Variants in EXT1 observed in about 807,000 individuals in gnomAD.
EXT1 encodes the protein exostosin-1.
In EXT1, 20 loss-of-function variants were observed where a neutral mutation model predicts 82.5. The observed-to-expected ratio is 0.24, with a 90% CI of 0.17 to 0.35. The LOEUF (loss-of-function observed/expected upper bound fraction) is 0.35. Among genes scored for constraint, EXT1 ranks in the 10% least tolerant of loss-of-function variants. The pLI is 1.00. For missense variants in EXT1, 757 were observed against 936.5 expected, an observed-to-expected ratio of 0.81 and a Z score of 2.50; for synonymous variants, 348 against 350.8, an observed-to-expected ratio of 0.99 and a Z score of 0.09.
chr8:117,845,943 G>A (rs1174641384), intron 1 of EXT1, among the ~76,000 whole-genome samples: 5 of 152,174 alleles, frequency 3.3e-5, no homozygotes, highest in African/African-American at 4.8e-5. Context: ...TGTGCAAGGA[G>A]GATGGGATCC....
intron 1 of EXT1, among the ~76,000 whole-genome samples, chr8:117,942,121 C>A (rs1814294256): frequency 6.6e-6 from 1 of 152,098 alleles, no homozygotes; most frequent in African/African-American, 2.4e-5. Context: ...ACATGGAGGA[C>A]CCATCCATAT....
chr8:117,901,584 T>C (rs17475344), intron 1 of EXT1, among the ~76,000 whole-genome samples: 7,606 of 152,300 alleles, frequency 0.05, 636 homozygotes, highest in African/African-American at 0.17. Flanking sequence ...TAACTTAGCT[T>C]ACTGTAAGTT....
chr8:117,897,234 A>G (rs1304915085), intron 1 of EXT1, among the ~76,000 whole-genome samples: 1 of 152,192 alleles, frequency 6.6e-6, no homozygotes, highest in African/African-American at 2.4e-5. Context: ...AGAAAATTAA[A>G]CCATATCCAG....
intron 1 of EXT1, among the ~76,000 whole-genome samples, chr8:117,994,871 G>C (rs1490268715): frequency 6.6e-6 from 1 of 152,212 alleles, no homozygotes; most frequent in Admixed American, 6.5e-5. Context: ...ACACCCAGCA[G>C]ACGGTCTGAA....
At chr8:117,858,115 G>C (rs1812597251) in intron 1 of EXT1, among the ~76,000 whole-genome samples, 3 of 152,220 alleles carry the variant, frequency 2.0e-5, no homozygotes, top group South Asian at 4.1e-4. Flanking sequence ...GGTTTCTTGA[G>C]ATGGAATCTA....
intron 1 of EXT1, among the ~76,000 whole-genome samples, chr8:117,921,836 C>G (rs1813862977): frequency 6.6e-6 from 1 of 152,146 alleles, no homozygotes; most frequent in African/African-American, 2.4e-5. Context: ...CACATAGACA[C>G]AATTATCCTT....
intron 1 of EXT1, among the ~76,000 whole-genome samples, chr8:118,051,452 T>C (rs780372692): frequency 2.0e-5 from 3 of 152,216 alleles, no homozygotes; most frequent in Non-Finnish European, 4.4e-5. Flanking sequence ...TCAGTTTGCA[T>C]CCTGTGCCTT....
chr8:117,814,543 C>A (rs1048942720), intron 7 of EXT1, among the ~76,000 whole-genome samples: 1 of 152,098 alleles, frequency 6.6e-6, no homozygotes, highest in Non-Finnish European at 1.5e-5. Context: ...AAAACGGACC[C>A]AGGATTTTCC....
chr8:118,026,977 G>T (rs1025350254), intron 1 of EXT1, among the ~76,000 whole-genome samples: 105 of 152,308 alleles, frequency 6.9e-4, no homozygotes, highest in African/African-American at 2.5e-3. Flanking sequence ...TCAGTGGCAT[G>T]TGCCTGTAGT....
Position 118,079,938 on chromosome 8 carries a change from G to A in EXT1, c.962+30147C>T, listed in dbSNP as rs543653250. 4.6e-5 allele frequency among the ~76,000 whole-genome samples: 7 copies of A among 152,272 alleles called. No individual in the cohort carries two copies. In the South Asian group the frequency reaches 1.4e-3, roughly 32 times the overall value. ...GTGTCATTTACAAAAGGTTACCAGAGGCATATAAACTCAGGGAAGCCAGAT... is the reference window on the plus strand; with the variant it reads ...GTGTCATTTACAAAAGGTTACCAGAAGCATATAAACTCAGGGAAGCCAGAT... On this transcript the variant is annotated intron_variant, in intron 1 of 10. Coordinates refer to ENST00000378204, the MANE Select transcript of EXT1 (RefSeq NM_000127.3).
chr8:118,066,364 ATTT>A (rs1563645332), intron 1 of EXT1, among the ~76,000 whole-genome samples: 1 of 149,916 alleles, frequency 6.7e-6, no homozygotes, highest in African/African-American at 2.5e-5. Flanking sequence ...TTATTTATTT[ATTT>A]ATTTATTTAT....
intron 1 of EXT1, among the ~76,000 whole-genome samples, chr8:118,098,022 G>A (rs58828166): frequency 0.016 from 2,505 of 152,130 alleles, 70 homozygotes; most frequent in African/African-American, 0.058. Context: ...CGGGGAGAAG[G>A]AGGAGGAGTG....
intron 1 of EXT1, among the ~76,000 whole-genome samples, chr8:117,902,170 A>G (rs1813462072): frequency 6.6e-6 from 1 of 152,036 alleles, no homozygotes; most frequent in Admixed American, 6.5e-5. Context: ...AATAACACGC[A>G]TGGAGCTGTC....
intron 1 of EXT1, among the ~76,000 whole-genome samples, chr8:117,854,735 C>A (rs1051194723): frequency 6.6e-6 from 1 of 152,172 alleles, no homozygotes; most frequent in Admixed American, 6.5e-5. Flanking sequence ...CAATCTGTAA[C>A]ACTAATACTA....
chr8:117,870,937 A>G (rs897402976), intron 1 of EXT1, among the ~76,000 whole-genome samples: 3 of 152,180 alleles, frequency 2.0e-5, no homozygotes, highest in Non-Finnish European at 4.4e-5. Context: ...GGGGAATACC[A>G]ACTGAGTTTC....
At chr8:118,052,946 G>A (rs1274056322) in intron 1 of EXT1, among the ~76,000 whole-genome samples, 2 of 152,140 alleles carry the variant, frequency 1.3e-5, no homozygotes, top group Non-Finnish European at 2.9e-5. Flanking sequence ...CAGTGTTGGG[G>A]GATCCTTGTT....
rs1408627874 is a variant in EXT1 at position 117,798,586 on chromosome 8, T to A, written c.*1126A>T. The A allele has an allele frequency of 1.3e-5, 2 of 152,238 alleles. No homozygotes were observed. Among genetic ancestry groups the A allele is most frequent in the African/African-American group, 4.8e-5 (2 of 41,452 alleles). 9.4% of individuals were successfully genotyped at this position (152,238 alleles called of 1,614,324 possible). A position where few individuals can be genotyped will look rare whatever the true frequency, so the allele number is the denominator to read the frequency against. On this transcript the variant is annotated 3_prime_UTR_variant, in exon 11 of 11. Coordinates refer to ENST00000378204, the MANE Select transcript of EXT1 (RefSeq NM_000127.3). ...TTGATTATTTTGTTTGCCAGATTCT[T>A]GCTCAAAACAATGTTTGACCAAAAA...
At chr8:117,941,984 G>A (rs754249786) in intron 1 of EXT1, among the ~76,000 whole-genome samples, 2 of 152,116 alleles carry the variant, frequency 1.3e-5, no homozygotes, top group Non-Finnish European at 2.9e-5. Flanking sequence ...ATTTTCAGAT[G>A]GGACAACTGA....
intron 1 of EXT1, among the ~76,000 whole-genome samples, chr8:117,973,810 G>T (rs551893215): frequency 6.0e-5 from 2 of 33,466 alleles, no homozygotes; most frequent in East Asian, 7.7e-4. Context: ...AGAAAGGAAA[G>T]GAAAGGAAAG....
Sources: gnomAD v4.1 joint callset for allele counts (sites outside exome capture counted in the v4.1 genomes callset) on GRCh38, gnomAD v4.1.1 for gene constraint, MANE v1.5 for transcripts, NCBI Gene and HGNC (gene_info 2026-07-23, HGNC 2026-07-21) for gene names.